The following LENG8 variants were observed in gnomAD, a reference collection of about 807,000 sequenced individuals.
LENG8 encodes the protein leukocyte receptor cluster member 8.
A neutral mutation model predicts 102.1 loss-of-function variants in LENG8; 28 were observed. The observed-to-expected ratio is 0.27, with a 90% CI of 0.20 to 0.38. The LOEUF (loss-of-function observed/expected upper bound fraction) is 0.38, where lower values mean the gene tolerates loss of function less well. Among genes scored for constraint, LENG8 ranks in the 10% least tolerant of loss-of-function variants. The pLI, the probability that LENG8 is intolerant of heterozygous loss-of-function variation, is 1.00. For synonymous variants in LENG8, 531 were observed against 456.7 expected (o/e 1.16, Z -2.07); for missense variants, 1,022 against 1,113.9 (o/e 0.92, Z 1.17).
At position 54,453,537 on chromosome 19, in the gene LENG8, C is replaced by G; in HGVS notation, c.316-9C>G. On this transcript the variant is annotated splice_polypyrimidine_tract_variant and intron_variant, in intron 4 of 15. Transcript: ENST00000326764. ...TCCCACTAAACCCTCCCTCCCTGCG[C>G]CTTTGCAGAGCATGTACCAGAGCTA... 2 of 1,606,706 alleles carry G rather than the reference C, an allele frequency of 1.2e-6. No individual in the cohort carries two copies. The highest frequency in any genetic ancestry group is 1.7e-6 in the Non-Finnish European group (2 of 1,173,338).
intron 11 of LENG8, among the ~76,000 whole-genome samples, chr19:54,457,221 T>TG (rs1458780291): frequency 6.6e-6 from 1 of 152,142 alleles, no homozygotes; most frequent in Non-Finnish European, 1.5e-5. Context: ...CTGTGGGGCG[T>TG]GGGGGGCTGT....
rs1224900944 is a variant in LENG8, at chr19:54,461,446, G to A, written c.*518G>A. ...GGGCCTCCGTGTTTGGGGTGGGGGA[G>A]CTGCTTAGAGACTGTGCCCGTCCTC... On this transcript the variant is annotated 3_prime_UTR_variant, in exon 16 of 16. Transcript: ENST00000326764. 2.2e-6 allele frequency: 1 copy of A among 460,576 alleles called. No individual in the cohort carries two copies. The highest frequency in any genetic ancestry group is 2.0e-5 in the African/African-American group (1 of 50,198). The allele number at this position is 460,576 out of a possible 1,614,324, so 28.5% of individuals were successfully genotyped here.
At position 54,459,718 on chromosome 19, in the gene LENG8, G is replaced by T. The variant is rs147245394; in HGVS notation, c.2241-1048G>T. 7.1e-4 allele frequency: 729 copies of T among 1,033,504 alleles called. 6 individuals carry two copies. The African/African-American group carries it at 0.011, about 16-fold the overall frequency. 64.0% of individuals were successfully genotyped at this position (1,033,504 alleles called of 1,614,324 possible). ...CCTGGAGGTTTGGAGACTCATTCTGGAATCTAGTGTGGGTCAAGCCAACTT... is the reference window on the plus strand; with the variant it reads ...CCTGGAGGTTTGGAGACTCATTCTGTAATCTAGTGTGGGTCAAGCCAACTT... On this transcript the variant is annotated intron_variant, in intron 15 of 15. Transcript: ENST00000326764.
Position 54,462,016 on chromosome 19 carries a change from G to C in LENG8, c.*1088G>C. ...CCAAAATTAAAGAGAGAAAGAGAGA[G>C]CGTGCACGCTCCTGCTTTGTCTTTC... On this transcript the variant is annotated 3_prime_UTR_variant, in exon 16 of 16. Coordinates refer to ENST00000326764, the MANE Select transcript of LENG8 (RefSeq NM_052925.4). 2 of 1,466,210 alleles carry C rather than the reference G, an allele frequency of 1.4e-6. No homozygotes were observed. Among genetic ancestry groups the C allele is most frequent in the Non-Finnish European group, 1.9e-6 (2 of 1,077,352 alleles). The allele number at this position is 1,466,210 out of a possible 1,614,324, so 90.8% of individuals were successfully genotyped here. A position where few individuals can be genotyped will look rare whatever the true frequency, so the allele number is the denominator to read the frequency against.
Position 54,455,366 on chromosome 19 carries a change from G to C in LENG8, c.824G>C (p.Gly275Ala). 6.2e-7 allele frequency: 1 copy of C among 1,614,080 alleles called. No homozygotes were observed. The change falls in exon 8 of 16, where the codon GGG (glycine) becomes GCG (alanine). Residue 275 changes from glycine to alanine, a missense_variant and splice_region_variant. Physicochemically the swap from Gly to Ala is moderately conservative, Grantham distance 60. Around this residue, in one of 7 missense-constraint regions of LENG8, gnomAD observed 343 missense variants for 320.2 expected, o/e 1.07. Coordinates refer to ENST00000326764, the MANE Select transcript of LENG8 (RefSeq NM_052925.4). ...GCCCCTCATCTGTCCTCCCGCAGCG[G>C]GTCCTCTGCCCGGGGGAACCTGTCT... ...PNPEKVQNHSGSSARGNLSGK... is the reference protein window; with the variant it reads ...PNPEKVQNHSASSARGNLSGK...
At chr19:54,459,800 C>A (rs955581031) in intron 15 of LENG8, 1 of 1,139,322 alleles carries the variant, frequency 8.8e-7, no homozygotes. Context: ...TGTGGGGTGC[C>A]GTGCACAGAG....
At position 54,461,132 on chromosome 19, in the gene LENG8, G is replaced by T. The variant is rs1463481184; in HGVS notation, c.*204G>T. On this transcript the variant is annotated 3_prime_UTR_variant, in exon 16 of 16. Transcript: ENST00000326764. ...TTTTTATTTTTTGCCTCAGAGGGAT[G>T]GGATTGGGGAGGAGGGGATGGGCAG... The T allele has an allele frequency of 3.7e-6, 3 of 812,168 alleles. No homozygotes were observed. The highest frequency in any genetic ancestry group is 6.1e-6 in the Non-Finnish European group (3 of 492,850). The allele number at this position is 812,168 out of a possible 1,614,324, so 50.3% of individuals were successfully genotyped here.
chr19:54,455,223 TGGG>T, intron 7 of LENG8, 131 bp downstream of exon 7: 1 of 1,473,286 alleles, frequency 6.8e-7, no homozygotes, highest in South Asian at 1.2e-5. Flanking sequence ...GACCCTCTCT[TGGG>T]GGTTGCTGTG....
In LENG8 at chr19:54,461,781, C is replaced by G. The variant is rs1340680210; in HGVS notation, c.*853C>G. ...GTGTTTATTTAAGTTATTTTTCTTC[C>G]TCCTCTCCCTTTTCTTTTTGGCCCT... On this transcript the variant is annotated 3_prime_UTR_variant, in exon 16 of 16. Transcript: ENST00000326764. The G allele has an allele frequency of 1.6e-6, 1 of 614,198 alleles. No individual in the cohort carries two copies. Among genetic ancestry groups the G allele is most frequent in the African/African-American group, 1.8e-5 (1 of 54,886 alleles). 38.0% of individuals were successfully genotyped at this position (614,198 alleles called of 1,614,324 possible). A position where few individuals can be genotyped will look rare whatever the true frequency, so the allele number is the denominator to read the frequency against.
In LENG8 at chr19:54,458,495, G is replaced by T; in HGVS notation, c.2214G>T (p.Lys738Asn). The T allele has an allele frequency of 6.2e-7, 1 of 1,614,274 alleles. No individual in the cohort carries two copies. The highest frequency in any genetic ancestry group is 8.5e-7 in the Non-Finnish European group (1 of 1,180,058). ...ACAAGTTTGCAGATCGGGAGCGCAAGGTCGCCCTCAAGGCCATGATCAAAA... is the reference window on the plus strand; with the variant it reads ...ACAAGTTTGCAGATCGGGAGCGCAATGTCGCCCTCAAGGCCATGATCAAAA... ...LVDKFADRER[K>N]VALKAMIKTF... The change falls in exon 15 of 16, where the codon AAG becomes AAT. Residue 738 changes from lysine (K) to asparagine (N), a missense_variant. By Grantham distance (94) the Lys-to-Asn change is moderately conservative (BLOSUM62 0). Around this residue, in one of 7 missense-constraint regions of LENG8, gnomAD observed 129 missense variants for 123.0 expected, o/e 1.05. Transcript: ENST00000326764.
Position 54,455,487 on chromosome 19 carries a change from G to T in LENG8, c.945G>T (p.Lys315Asn). Residue 315 changes from lysine (K) to asparagine (N), a missense_variant, in exon 8 of 16, where the codon AAG (lysine) becomes AAT (asparagine). Lys to Asn is a moderately conservative substitution (Grantham distance 94, BLOSUM62 0). This residue lies in a region of LENG8 where 24 missense variants were observed against 47.9 expected (regional missense o/e 0.50). Coordinates refer to ENST00000326764, the MANE Select transcript of LENG8 (RefSeq NM_052925.4). ...AGGAGGACAAGGACCGCACGGAAAAGCTGCTCAAGGAGGTGCTGCAGGCGC... is the reference window on the plus strand; with the variant it reads ...AGGAGGACAAGGACCGCACGGAAAATCTGCTCAAGGAGGTGCTGCAGGCGC... ...ESEEDKDRTE[K>N]LLKEVLQARL... is the part of the protein sequence containing the mutation. 2 of 1,614,158 alleles carry T rather than the reference G, an allele frequency of 1.2e-6. No individual in the cohort carries two copies. The highest frequency in any genetic ancestry group is 1.7e-6 in the Non-Finnish European group (2 of 1,180,046).
Position 54,455,055 on chromosome 19 carries a change from G to C in LENG8, c.784G>C (p.Gly262Arg). 1 of 1,614,158 alleles carries C rather than the reference G, an allele frequency of 6.2e-7. No individual in the cohort carries two copies. The highest frequency in any genetic ancestry group is 8.5e-7 in the Non-Finnish European group (1 of 1,180,026). ...CGCAGAGGGCCAGCACAGTGGTTTT[G>C]GCCCCCAGCCCAACCCTGAGAAAGT... The part of the protein sequence containing the change: ...SNAEGQHSGF[G>R]PQPNPEKVQN... The change falls in exon 7 of 16, where the codon GGC becomes CGC. Residue 262 changes from glycine (G) to arginine (R), a missense_variant. By Grantham distance (125) the Gly-to-Arg change is moderately radical (BLOSUM62 -2). Transcript: ENST00000326764.
chr19:54,461,817 C>T lies in LENG8; in HGVS notation c.*889C>T, dbSNP rs1448902297. Reference sequence around the variant, plus strand: ...TTTCTTTTTGGCCCTCCCTCCCTCCCTCTTCTGCCATGTAACTGGAGGATG... The same window carrying T: ...TTTCTTTTTGGCCCTCCCTCCCTCCTTCTTCTGCCATGTAACTGGAGGATG... On this transcript the variant is annotated 3_prime_UTR_variant, in exon 16 of 16. Coordinates refer to ENST00000326764, the MANE Select transcript of LENG8 (RefSeq NM_052925.4). The T allele has an allele frequency of 1.6e-6, 1 of 628,544 alleles. No homozygotes were observed. The highest frequency in any genetic ancestry group is 3.1e-6 in the Non-Finnish European group (1 of 327,282). The allele number at this position is 628,544 out of a possible 1,614,324, so 38.9% of individuals were successfully genotyped here. A position where few individuals can be genotyped will look rare whatever the true frequency, so the allele number is the denominator to read the frequency against.
Position 54,456,928 on chromosome 19 carries a change from G to A in LENG8, c.1731+7G>A. ...CACCGTGCGCCCTGTGGCAGTAAGT[G>A]CCCAGCAGGGCAGTTCTGCTCTGTG... On this transcript the variant is annotated splice_region_variant and intron_variant, in intron 11 of 15. Coordinates refer to ENST00000326764, the MANE Select transcript of LENG8 (RefSeq NM_052925.4). 1 of 1,600,908 alleles carries A rather than the reference G, an allele frequency of 6.2e-7. No individual in the cohort carries two copies. Among genetic ancestry groups the A allele is most frequent in the Non-Finnish European group, 8.5e-7 (1 of 1,177,212 alleles).
intron 15 of LENG8, chr19:54,459,408 G>A (rs1600008174): frequency 1.0e-6 from 1 of 991,618 alleles, no homozygotes; most frequent in Non-Finnish European, 1.2e-6. Flanking sequence ...AGCCTGGCCA[G>A]GTGGCCCTCC....
chr19:54,458,553 C>T (rs1030606502), intron 15 of LENG8, 32 bp downstream of exon 15: 11 of 1,613,482 alleles, frequency 6.8e-6, no homozygotes, highest in Admixed American at 1.7e-5. Flanking sequence ...TCTGCCTTTG[C>T]TCTTCCCATC....
At chr19:54,459,900 C>T in intron 15 of LENG8, 2 of 1,172,676 alleles carry the variant, frequency 1.7e-6, no homozygotes, top group Non-Finnish European at 2.1e-6. Context: ...TGGTGGCTCT[C>T]AAGCTTCTGT....
chr19:54,453,026 G>T (rs990360385), intron 4 of LENG8, among the ~76,000 whole-genome samples: 4 of 152,168 alleles, frequency 2.6e-5, no homozygotes, highest in Non-Finnish European at 4.4e-5. Flanking sequence ...GCCCGCACCC[G>T]CCAGGCCCGC....
chr19:54,461,818 T>G lies in LENG8; in HGVS notation c.*890T>G. The G allele has an allele frequency of 2.1e-6, 1 of 465,310 alleles. No individual in the cohort carries two copies. The allele number at this position is 465,310 out of a possible 1,614,324, so 28.8% of individuals were successfully genotyped here. A position where few individuals can be genotyped will look rare whatever the true frequency, so the allele number is the denominator to read the frequency against. The stretch of plus-strand genomic sequence containing the variant: ...TTCTTTTTGGCCCTCCCTCCCTCCC[T>G]CTTCTGCCATGTAACTGGAGGATGT... On this transcript the variant is annotated 3_prime_UTR_variant, in exon 16 of 16. Transcript: ENST00000326764.
Sources: gnomAD v4.1 joint callset for allele counts (sites outside exome capture counted in the v4.1 genomes callset) on GRCh38, gnomAD v4.1.1 for gene constraint, gnomAD v4.1.1 regional missense constraint, MANE v1.5 for transcripts, NCBI Gene and HGNC (gene_info 2026-07-23, HGNC 2026-07-21) for gene names.